The following RPRD1B variants were observed in gnomAD, a reference collection of about 807,000 sequenced individuals.
RPRD1B encodes regulation of nuclear pre-mRNA domain containing 1B, also known as regulation of nuclear pre-mRNA domain-containing protein 1B.
RPRD1B carries 11 observed loss-of-function variants against 41.5 expected under a neutral mutation model. The ratio of observed to expected loss-of-function variants is 0.27; its 90% confidence interval spans 0.17 to 0.44. The LOEUF (loss-of-function observed/expected upper bound fraction) is 0.44. Among genes scored for constraint, RPRD1B ranks in the 20% least tolerant of loss-of-function variants. RPRD1B has a pLI of 1.00. For synonymous variants in RPRD1B, 158 were observed against 155.6 expected (o/e 1.02, Z -0.12); for missense variants, 248 against 389.9 (o/e 0.64, Z 3.06).
At chr20:38,063,721 T>A (rs1027741844) in intron 5 of RPRD1B, among the ~76,000 whole-genome samples, 2 of 152,094 alleles carry the variant, frequency 1.3e-5, no homozygotes, top group African/African-American at 4.8e-5. Context: ...AACGAGGGAA[T>A]GGGATGCGCA....
intron 1 of RPRD1B, among the ~76,000 whole-genome samples, chr20:38,035,931 A>AT (rs1174643423): frequency 2.0e-5 from 3 of 151,700 alleles, no homozygotes; most frequent in African/African-American, 7.3e-5. Context: ...CACCCAGCTA[A>AT]TTTTTTGTAT....
At position 38,062,392 on chromosome 20, in the gene RPRD1B, CCCTTCCA is replaced by C. The variant is rs140910907; in HGVS notation, c.655+2877_655+2883del. On this transcript the variant is annotated intron_variant, in intron 5 of 6. Transcript: ENST00000373433. ...TCCTAATTTACATCTCTAGTGTTGA[CCCTTCCA>C]CCTTGAACTTGAGACCCATATATCC... Among the ~76,000 whole-genome samples, 939 of 152,268 alleles carry C rather than the reference CCCTTCCA, an allele frequency of 6.2e-3. 7 individuals carry two copies. Among genetic ancestry groups the C allele is most frequent in the African/African-American group, 0.022 (895 of 41,546 alleles).
intron 6 of RPRD1B, among the ~76,000 whole-genome samples, chr20:38,087,825 C>G (rs1193453636): frequency 1.1e-4 from 16 of 152,160 alleles, no homozygotes; most frequent in Admixed American, 1.0e-3. Flanking sequence ...TCAGGAGCTA[C>G]TTCATGTGGT....
chr20:38,075,153 G>C (rs2074447138), intron 6 of RPRD1B, among the ~76,000 whole-genome samples: 1 of 152,228 alleles, frequency 6.6e-6, no homozygotes, highest in African/African-American at 2.4e-5. Flanking sequence ...GCAGATGTCT[G>C]CTTGTCTTTT....
At chr20:38,053,013 A>C (rs1326844852) in intron 3 of RPRD1B, among the ~76,000 whole-genome samples, 1 of 152,126 alleles carries the variant, frequency 6.6e-6, no homozygotes, top group Non-Finnish European at 1.5e-5. Context: ...TGCTGGAGAC[A>C]CAGGGACAAG....
chr20:38,037,329 A>T (rs920139960), intron 1 of RPRD1B, among the ~76,000 whole-genome samples: 1 of 152,102 alleles, frequency 6.6e-6, no homozygotes, highest in African/African-American at 2.4e-5. Flanking sequence ...GGTGTTTTGT[A>T]TCTTGGCCTG....
intron 5 of RPRD1B, among the ~76,000 whole-genome samples, chr20:38,065,573 T>C (rs1208886925): frequency 2.0e-5 from 3 of 152,210 alleles, no homozygotes; most frequent in Non-Finnish European, 4.4e-5. Context: ...GCTATGTAAA[T>C]AGTTGTTATT....
chr20:38,090,727 C>T lies in RPRD1B; in HGVS notation c.*852C>T, dbSNP rs1218455724. On this transcript the variant is annotated 3_prime_UTR_variant, in exon 7 of 7. Transcript: ENST00000373433. The stretch of plus-strand genomic sequence containing the variant: ...TGGTGGGCTCCAAAAGATGAAGGCC[C>T]CACACACAGGTGTGCTGCATTTGGG... 1.0e-6 allele frequency: 1 copy of T among 985,374 alleles called. No homozygotes were observed. The highest frequency in any genetic ancestry group is 1.7e-5 in the African/African-American group (1 of 57,248). The allele number at this position is 985,374 out of a possible 1,614,324, so 61.0% of individuals were successfully genotyped here. A position where few individuals can be genotyped will look rare whatever the true frequency, so the allele number is the denominator to read the frequency against.
chr20:38,079,693 ATG>A (rs1430888735), intron 6 of RPRD1B, among the ~76,000 whole-genome samples: 3 of 152,130 alleles, frequency 2.0e-5, no homozygotes, highest in Non-Finnish European at 2.9e-5. Flanking sequence ...TTAGGCATGC[ATG>A]TGTCTTTATG....
At chr20:38,050,942 A>G (rs1439650289) in intron 3 of RPRD1B, among the ~76,000 whole-genome samples, 2 of 152,198 alleles carry the variant, frequency 1.3e-5, no homozygotes, top group African/African-American at 4.8e-5. Flanking sequence ...CAGTCCTTTC[A>G]AATGTTGATG....
At chr20:38,048,511 T>A in intron 3 of RPRD1B, 30 bp downstream of exon 3, 1 of 1,569,142 alleles carries the variant, frequency 6.4e-7, no homozygotes, top group Non-Finnish European at 8.7e-7. Flanking sequence ...TTTACAGCTC[T>A]TGGTCTTTGC....
chr20:38,073,743 A>C, intron 6 of RPRD1B, among the ~76,000 whole-genome samples: 1 of 152,248 alleles, frequency 6.6e-6, no homozygotes, highest in East Asian at 1.9e-4. Context: ...TGGTAAGGAC[A>C]GATGGGAGCC....
At chr20:38,050,013 G>A (rs2074168913) in intron 3 of RPRD1B, among the ~76,000 whole-genome samples, 1 of 152,174 alleles carries the variant, frequency 6.6e-6, no homozygotes, top group South Asian at 2.1e-4. Context: ...TTCACTGTGT[G>A]ATGAACTCAT....
intron 1 of RPRD1B, among the ~76,000 whole-genome samples, chr20:38,039,045 G>A (rs1415649975): frequency 6.6e-6 from 1 of 152,206 alleles, no homozygotes; most frequent in Non-Finnish European, 1.5e-5. Flanking sequence ...TTGTAGGGAT[G>A]TAACTTTATA....
At chr20:38,054,682 A>G (rs1482709277) in intron 3 of RPRD1B, among the ~76,000 whole-genome samples, 1 of 152,216 alleles carries the variant, frequency 6.6e-6, no homozygotes, top group African/African-American at 2.4e-5. Flanking sequence ...ATGTTTATAT[A>G]TAATAATTTC....
chr20:38,090,527 G>A lies in RPRD1B; in HGVS notation c.*652G>A. On this transcript the variant is annotated 3_prime_UTR_variant, in exon 7 of 7. Coordinates refer to ENST00000373433, the MANE Select transcript of RPRD1B (RefSeq NM_021215.4). Reference sequence around the variant, plus strand: ...AGCTAATCTGGAGCATAAAGGCACAGTTCAGAGACAGAATAACAGGGATCA... The same window carrying A: ...AGCTAATCTGGAGCATAAAGGCACAATTCAGAGACAGAATAACAGGGATCA... 2 of 985,926 alleles carry A rather than the reference G, an allele frequency of 2.0e-6. No individual in the cohort carries two copies. The highest frequency in any genetic ancestry group is 2.4e-6 in the Non-Finnish European group (2 of 829,940). The allele number at this position is 985,926 out of a possible 1,614,324, so 61.1% of individuals were successfully genotyped here.
At chr20:38,036,746 A>G (rs1391919401) in intron 1 of RPRD1B, among the ~76,000 whole-genome samples, 1 of 152,240 alleles carries the variant, frequency 6.6e-6, no homozygotes, top group African/African-American at 2.4e-5. Context: ...AATGTTTTCT[A>G]TCTGTGCCAT....
At position 38,078,934 on chromosome 20, in the gene RPRD1B, T is replaced by C. The variant is rs148885925; in HGVS notation, c.832-10792T>C. Among the ~76,000 whole-genome samples, 1,315 of 152,354 alleles carry C rather than the reference T, an allele frequency of 8.6e-3. 23 individuals carry two copies. Among genetic ancestry groups the C allele is most frequent in the African/African-American group, 0.028 (1,177 of 41,570 alleles). ...AAATTTTAAGGATATAATCAAATGGTTTCTGGGAGAAAGGATCTTGTATCC... is the reference window on the plus strand; with the variant it reads ...AAATTTTAAGGATATAATCAAATGGCTTCTGGGAGAAAGGATCTTGTATCC... On this transcript the variant is annotated intron_variant, in intron 6 of 6. Transcript: ENST00000373433.
At chr20:38,057,366 G>C (rs2074254013) in intron 3 of RPRD1B, among the ~76,000 whole-genome samples, 166 bp from the exon 4 acceptor site, 1 of 152,156 alleles carries the variant, frequency 6.6e-6, no homozygotes. Context: ...CAGTAATGTA[G>C]GGAACTACAG....
Sources: gnomAD v4.1 joint callset for allele counts (sites outside exome capture counted in the v4.1 genomes callset) on GRCh38, gnomAD v4.1.1 for gene constraint, MANE v1.5 for transcripts, NCBI Gene and HGNC (gene_info 2026-07-23, HGNC 2026-07-21) for gene names.